The following TYW1B variants were observed in gnomAD, a reference collection of about 807,000 sequenced individuals.
The protein encoded by TYW1B is S-adenosyl-L-methionine-dependent tRNA 4-demethylwyosine synthase TYW1B.
A neutral mutation model predicts 86.9 loss-of-function variants in TYW1B; 73 were observed. That is an observed-to-expected ratio of 0.84 (90% CI 0.70 to 1.02). The LOEUF is 1.02. Among genes scored for constraint, TYW1B ranks in the 50% least tolerant of loss-of-function variants. The probability of loss-of-function intolerance (pLI) is 0.00; values close to 1 mark genes in which losing one functional copy is unlikely to be tolerated. For missense variants in TYW1B, 637 were observed against 827.4 expected (o/e 0.77, Z 2.82); for synonymous variants, 248 against 292.8 (o/e 0.85, Z 1.56).
At chr7:72,615,726 T>C (rs1305785707) in intron 13 of TYW1B, among the ~76,000 whole-genome samples, 4 of 151,806 alleles carry the variant, frequency 2.6e-5, no homozygotes, top group Non-Finnish European at 2.9e-5. Context: ...GGCAGGGAAA[T>C]AGAAATTATA....
intron 11 of TYW1B, among the ~76,000 whole-genome samples, chr7:72,637,031 C>T (rs1812684532): frequency 6.6e-6 from 1 of 152,042 alleles, no homozygotes; most frequent in African/African-American, 2.4e-5. Flanking sequence ...ACAAAATTAG[C>T]TGGGCGTGAT....
intron 5 of TYW1B, among the ~76,000 whole-genome samples, chr7:72,803,164 G>A (rs1788432131): frequency 6.6e-6 from 1 of 152,062 alleles, no homozygotes; most frequent in Non-Finnish European, 1.5e-5. Flanking sequence ...TTGAAGCCAG[G>A]AGTTCAAGAC....
intron 11 of TYW1B, among the ~76,000 whole-genome samples, chr7:72,671,202 T>A (rs1813592786): frequency 6.6e-6 from 1 of 152,118 alleles, no homozygotes; most frequent in African/African-American, 2.4e-5. Flanking sequence ...TAGGTTATTA[T>A]TCCTTAGAAA....
intron 10 of TYW1B, among the ~76,000 whole-genome samples, chr7:72,707,299 C>G (rs1397929283): frequency 6.6e-6 from 1 of 152,248 alleles, no homozygotes; most frequent in African/African-American, 2.4e-5. Context: ...TGCAGCATAG[C>G]TGCTGGGGGA....
At chr7:72,820,337 C>T (rs1179256169) in intron 2 of TYW1B, among the ~76,000 whole-genome samples, 1 of 151,926 alleles carries the variant, frequency 6.6e-6, no homozygotes, top group Admixed American at 6.6e-5. Context: ...GCTTCATAAG[C>T]GAAGGAGAAA....
chr7:72,669,932 A>AAAATAAATAAATAAAT (rs78712037), intron 11 of TYW1B, among the ~76,000 whole-genome samples: 4 of 140,986 alleles, frequency 2.8e-5, no homozygotes, highest in African/African-American at 1.1e-4. Context: ...CCATTTCTAC[A>AAAATAAATAAATAAAT]AAATAAATAA....
At chr7:72,659,325 T>TC (rs1554444139) in intron 11 of TYW1B, among the ~76,000 whole-genome samples, 1 of 152,094 alleles carries the variant, frequency 6.6e-6, no homozygotes, top group African/African-American at 2.4e-5. Flanking sequence ...ACGCCTGCAA[T>TC]CCCAGCACTC....
intron 11 of TYW1B, among the ~76,000 whole-genome samples, chr7:72,632,283 G>GTATATATATATATATATATAT (rs1563038313): frequency 3.7e-5 from 2 of 54,164 alleles, no homozygotes; most frequent in African/African-American, 3.3e-4. Context: ...ATATATATAC[G>GTATATATATATATATATATAT]TGTATATATA....
At chr7:72,598,448 A>G (rs1811585675) in intron 13 of TYW1B, among the ~76,000 whole-genome samples, 3 of 152,164 alleles carry the variant, frequency 2.0e-5, no homozygotes, top group African/African-American at 7.2e-5. Context: ...AATATTACAC[A>G]ACAAAATCCA....
At chr7:72,817,658 T>C (rs1253886610) in intron 2 of TYW1B, among the ~76,000 whole-genome samples, 2 of 151,736 alleles carry the variant, frequency 1.3e-5, no homozygotes, top group African/African-American at 4.8e-5. Context: ...TTGAAAAAAA[T>C]GCACAAGTGA....
At chr7:72,715,556 T>C (rs1554455736) in intron 9 of TYW1B, among the ~76,000 whole-genome samples, 3 of 151,262 alleles carry the variant, frequency 2.0e-5, no homozygotes, top group African/African-American at 7.3e-5. Flanking sequence ...CATGAACACA[T>C]AGAGGGGAAT....
chr7:72,758,612 G>A (rs1170610492), intron 7 of TYW1B, among the ~76,000 whole-genome samples: 3 of 152,012 alleles, frequency 2.0e-5, no homozygotes, highest in African/African-American at 4.8e-5. Flanking sequence ...ACCATGATTC[G>A]CCTTTTCTGC....
At chr7:72,671,631 A>C (rs1365934589) in intron 11 of TYW1B, among the ~76,000 whole-genome samples, 1 of 152,114 alleles carries the variant, frequency 6.6e-6, no homozygotes, top group African/African-American at 2.4e-5. Context: ...TTTTATCTAT[A>C]TTTAAGGGCT....
chr7:72,634,039 T>TCA (rs1812608107), intron 11 of TYW1B, among the ~76,000 whole-genome samples: 2 of 152,192 alleles, frequency 1.3e-5, no homozygotes. Flanking sequence ...TACTTATGTG[T>TCA]CACCATAAAT....
chr7:72,664,252 CTTTTT>C (rs782618489), intron 11 of TYW1B, among the ~76,000 whole-genome samples: 119 of 149,552 alleles, frequency 8.0e-4, no homozygotes, highest in Non-Finnish European at 2.2e-4. Context: ...ATTTGGGTTT[CTTTTT>C]TTTTTCCAAA....
At chr7:72,582,442 GT>G (rs1430223895) in intron 13 of TYW1B, among the ~76,000 whole-genome samples, 4 of 152,200 alleles carry the variant, frequency 2.6e-5, no homozygotes, top group Non-Finnish European at 5.9e-5. Flanking sequence ...AGGGGGAATA[GT>G]TTCCAGCCAA....
rs10239647 is a variant in TYW1B at position 72,767,467 on chromosome 7, G to A, written c.964+9949C>T. ...AAAAATACAAAAAAAAAAATTAGCC[G>A]GGTGTGGTGGCGGGCGCCTGTAGTC... On this transcript the variant is annotated intron_variant, in intron 7 of 13. Coordinates refer to ENST00000620995, the MANE Select transcript of TYW1B (RefSeq NM_001145440.3). 4.0e-5 allele frequency among the ~76,000 whole-genome samples: 6 copies of A among 151,826 alleles called. No homozygotes were observed. The East Asian group carries it at 7.8e-4, about 20-fold the overall frequency.
In TYW1B at chr7:72,688,617, C is replaced by A. The variant is rs13235308; in HGVS notation, c.1506+6070G>T. On this transcript the variant is annotated intron_variant, in intron 11 of 13. Transcript: ENST00000620995. ...TTCAACACTTTTGTTCCCGCAGGCT[C>A]CCTCTTTGCCTTCTTTAGGCACTTC... 8.4e-3 allele frequency among the ~76,000 whole-genome samples: 1,273 copies of A among 152,292 alleles called. 12 individuals are homozygous for A. Among genetic ancestry groups the A allele is most frequent in the Non-Finnish European group, 0.011 (715 of 68,012 alleles).
chr7:72,789,939 CTTTTTTTTTTTTTT>C (rs67405029), intron 6 of TYW1B, among the ~76,000 whole-genome samples: 1 of 69,168 alleles, frequency 1.4e-5, no homozygotes, highest in Non-Finnish European at 2.7e-5. Context: ...ATAGGATTAT[CTTTTTTTTTTTTTT>C]TTTTTTTTTT....
Sources: allele counts gnomAD v4.1 joint callset (sites outside exome capture counted in the v4.1 genomes callset), GRCh38; gene constraint gnomAD v4.1.1; transcripts MANE v1.5; gene names NCBI Gene and HGNC (gene_info 2026-07-23, HGNC 2026-07-21).